Variants in PCGF3 observed in about 807,000 individuals in gnomAD.
The protein encoded by PCGF3 is polycomb group ring finger 3.
In PCGF3, 7 loss-of-function variants were observed where a neutral mutation model predicts 33.1. The ratio of observed to expected loss-of-function variants is 0.21; its 90% confidence interval spans 0.12 to 0.40. PCGF3 has a LOEUF of 0.40. Among genes scored for constraint, PCGF3 ranks in the 10% least tolerant of loss-of-function variants. PCGF3 has a pLI of 1.00. For synonymous variants in PCGF3, 153 were observed against 121.3 expected, an observed-to-expected ratio of 1.26 and a Z score of -1.72; for missense variants, 211 against 313.3, an observed-to-expected ratio of 0.67 and a Z score of 2.46.
At chr4:743,785 G>A (rs1360050810) in intron 7 of PCGF3, 3 of 501,468 alleles carry the variant, frequency 6.0e-6, no homozygotes, top group African/African-American at 1.9e-5. Context: ...GAGGGGAAAA[G>A]CCAGCAGGGG....
intron 1 of PCGF3, among the ~76,000 whole-genome samples, chr4:714,073 C>T (rs1038932689): frequency 6.6e-5 from 10 of 152,132 alleles, no homozygotes; most frequent in African/African-American, 9.7e-5. Flanking sequence ...GTGGGGCCCT[C>T]GGAAGGCTCT....
chr4:737,342 GAA>G (rs1743880208), intron 5 of PCGF3, 122 bp from the exon 6 acceptor site: 14 of 684,448 alleles, frequency 2.0e-5, no homozygotes. Flanking sequence ...GTGTAAACTA[GAA>G]GTAAAATTCC....
At chr4:752,913 G>T (rs1421663352) in intron 8 of PCGF3, among the ~76,000 whole-genome samples, 2 of 152,378 alleles carry the variant, frequency 1.3e-5, no homozygotes, top group East Asian at 3.9e-4. Context: ...GTGCCCGTCT[G>T]TCCAGGGCTC....
At chr4:724,776 C>A (rs894870259) in intron 1 of PCGF3, among the ~76,000 whole-genome samples, 3 of 151,438 alleles carry the variant, frequency 2.0e-5, no homozygotes, top group African/African-American at 7.3e-5. Context: ...CCAGCCTGGG[C>A]GACAGAGCGA....
At chr4:718,870 C>G (rs960762053) in intron 1 of PCGF3, among the ~76,000 whole-genome samples, 1 of 152,210 alleles carries the variant, frequency 6.6e-6, no homozygotes, top group Non-Finnish European at 1.5e-5. Context: ...TGCTTACTGT[C>G]TTTCGAGTCA....
chr4:756,234 G>T lies in PCGF3; in HGVS notation c.463-5045G>T, dbSNP rs539019411. ...CACTTGGCTTTTTTTTTTTTGAGAT[G>T]TAGTCTTATACTCTGTCGCCCAGGC... On this transcript the variant is annotated intron_variant, in intron 8 of 10. Coordinates refer to ENST00000362003, the Ensembl canonical transcript of PCGF3. Among the ~76,000 whole-genome samples, 602 of 129,752 alleles carry T rather than the reference G, an allele frequency of 4.6e-3. 2 individuals carry two copies. Among genetic ancestry groups the T allele is most frequent in the African/African-American group, 0.017 (577 of 34,118 alleles). 85.1% of individuals were successfully genotyped at this position (129,752 alleles called of 152,430 possible). A position where few individuals can be genotyped will look rare whatever the true frequency, so the allele number is the denominator to read the frequency against.
chr4:758,039 G>C (rs758801023), intron 8 of PCGF3, among the ~76,000 whole-genome samples: 3 of 151,768 alleles, frequency 2.0e-5, no homozygotes, highest in Non-Finnish European at 4.4e-5. Context: ...ATGATGGTGC[G>C]CGCCTGTAGT....
intron 8 of PCGF3, among the ~76,000 whole-genome samples, chr4:756,488 C>T (rs1461506564): frequency 6.6e-6 from 1 of 152,200 alleles, no homozygotes; most frequent in East Asian, 1.9e-4. Context: ...GCTGGGATTA[C>T]AGGTGTAAGC....
At chr4:706,897 G>A (rs1399382018) in intron 1 of PCGF3, among the ~76,000 whole-genome samples, 1 of 99,908 alleles carries the variant, frequency 1.0e-5, no homozygotes, top group African/African-American at 4.0e-5. Context: ...CAGGGAGGGC[G>A]AAGACCCCAG....
In PCGF3 at chr4:767,807, G is replaced by A. The variant is rs910751374; in HGVS notation, c.*1728G>A. The A allele has an allele frequency of 1.0e-3, 152 of 152,580 alleles. 1 individual carries two copies. The highest frequency in any genetic ancestry group is 1.0e-4 in the Non-Finnish European group (7 of 68,044). 9.5% of individuals were successfully genotyped at this position (152,580 alleles called of 1,614,324 possible). A position where few individuals can be genotyped will look rare whatever the true frequency, so the allele number is the denominator to read the frequency against. On this transcript the variant is annotated 3_prime_UTR_variant, in exon 11 of 11. Transcript: ENST00000362003. Reference sequence around the variant, plus strand: ...CTATTCATCCAAATCATTTTCTAGAGTCACTGTATAAGGGTCTATGAGTAG... The same window carrying A: ...CTATTCATCCAAATCATTTTCTAGAATCACTGTATAAGGGTCTATGAGTAG...
chr4:757,297 T>G lies in PCGF3; in HGVS notation c.463-3982T>G, dbSNP rs532947475. The G allele has an allele frequency of 1.5e-4, 22 of 151,138 alleles. 1 individual carries two copies. Among genetic ancestry groups the G allele is most frequent in the Admixed American group, 1.3e-3 (20 of 15,148 alleles). 9.4% of individuals were successfully genotyped at this position (151,138 alleles called of 1,614,324 possible). On this transcript the variant is annotated intron_variant, in intron 8 of 10. Transcript: ENST00000362003. ...ACTGCAGACCCCGCTGCCTCAGACC[T>G]GTGCCTGCGTGGCTGGCACACCTGT...
chr4:753,676 G>A (rs975795620), intron 8 of PCGF3, among the ~76,000 whole-genome samples: 2 of 151,014 alleles, frequency 1.3e-5, no homozygotes, highest in South Asian at 2.1e-4. Flanking sequence ...GACCAGGCAC[G>A]GTGGCTCACG....
At chr4:717,092 A>G (rs368777646) in intron 1 of PCGF3, among the ~76,000 whole-genome samples, 2,759 of 42,072 alleles carry the variant, frequency 0.066, 147 homozygotes, top group Non-Finnish European at 0.082. Flanking sequence ...GTGAGAACTG[A>G]GCGTCGGTGC....
intron 8 of PCGF3, chr4:757,523 A>T (rs902773704): frequency 1.3e-5 from 2 of 152,232 alleles, no homozygotes; most frequent in African/African-American, 4.8e-5. Context: ...TAATCTAGCT[A>T]TGCCAGCTTT....
At chr4:742,105 G>A (rs1744119016) in intron 6 of PCGF3, among the ~76,000 whole-genome samples, 1 of 150,800 alleles carries the variant, frequency 6.6e-6, no homozygotes. Context: ...TATCCCCTTG[G>A]CTCTCAGGGT....
chr4:761,613 G>A (rs1745063003), intron 9 of PCGF3, 197 bp downstream of exon 9: 1 of 964,150 alleles, frequency 1.0e-6, no homozygotes, highest in Non-Finnish European at 1.2e-6. Context: ...CAGAGACAGG[G>A]AACGTGGAAT....
At chr4:756,078 T>C (rs1225868074) in intron 8 of PCGF3, among the ~76,000 whole-genome samples, 1 of 151,838 alleles carries the variant, frequency 6.6e-6, no homozygotes, top group Non-Finnish European at 1.5e-5. Context: ...CATACCCAGC[T>C]AATTTTTTGT....
rs578055305 is a variant in PCGF3, at chr4:730,758, G to A, written c.-151+90G>A. ...ACCACGCTTTGTGCATGTGGTCGGC[G>A]TTCCTTGCAGTGCCTCTGAAACGCA... On this transcript the variant is annotated intron_variant, in intron 2 of 10. Transcript: ENST00000362003. 2.0e-5 allele frequency: 7 copies of A among 355,080 alleles called. No homozygotes were observed. In the South Asian group the frequency reaches 7.6e-4, roughly 39 times the overall value. 22.0% of individuals were successfully genotyped at this position (355,080 alleles called of 1,614,324 possible).
intron 1 of PCGF3, among the ~76,000 whole-genome samples, chr4:728,960 C>T (rs150585361): frequency 3.5e-4 from 53 of 151,806 alleles, no homozygotes; most frequent in African/African-American, 1.2e-3. Flanking sequence ...GTTAACTGGG[C>T]GTGGTGGCGG....
Sources: gnomAD v4.1 joint callset for allele counts (sites outside exome capture counted in the v4.1 genomes callset) on GRCh38, gnomAD v4.1.1 for gene constraint, MANE v1.5 for transcripts, NCBI Gene and HGNC (gene_info 2026-07-23, HGNC 2026-07-21) for gene names.